CDH4: variants seen among roughly 807,000 people sequenced by gnomAD.
The protein encoded by CDH4 is cadherin-4.
Under a neutral mutation model 86.0 loss-of-function variants are expected in CDH4, and 33 were observed. The ratio of observed to expected loss-of-function variants is 0.38; its 90% CI spans 0.29 to 0.51. CDH4 has a LOEUF of 0.51. Ranked by LOEUF, CDH4 falls within the 20% of genes least tolerant of loss-of-function variation. The pLI is 0.86. For missense variants in CDH4, 1,114 were observed against 1,307.4 expected (o/e 0.85, Z 2.28); for synonymous variants, 555 against 549.4 (o/e 1.01, Z -0.14).
At chr20:61,764,805 C>T (rs541035643) in intron 3 of CDH4, among the ~76,000 whole-genome samples, 6 of 152,308 alleles carry the variant, frequency 3.9e-5, no homozygotes, top group South Asian at 4.1e-4. Context: ...CACGTAGCTC[C>T]GGAGCACAGA....
At chr20:61,530,448 A>G (rs2085943449) in intron 2 of CDH4, among the ~76,000 whole-genome samples, 2 of 152,026 alleles carry the variant, frequency 1.3e-5, no homozygotes, top group African/African-American at 4.8e-5. Context: ...GGCAGAGCAG[A>G]GTCACGCTGA....
chr20:61,719,006 A>C (rs1241015759), intron 2 of CDH4: 1 of 471,150 alleles, frequency 2.1e-6, no homozygotes, highest in Non-Finnish European at 4.4e-6. Context: ...CACACTCAGC[A>C]TCACGAGTGG....
intron 2 of CDH4, among the ~76,000 whole-genome samples, chr20:61,282,546 CAT>C (rs1568780360): frequency 2.6e-4 from 1 of 3,880 alleles, no homozygotes; most frequent in African/African-American, 5.3e-4. Context: ...GGTGTGTGTG[CAT>C]GTGTGTGTGT....
intron 2 of CDH4, among the ~76,000 whole-genome samples, chr20:61,687,812 T>C (rs1250855545): frequency 1.3e-5 from 2 of 152,166 alleles, no homozygotes; most frequent in Non-Finnish European, 2.9e-5. Context: ...ACAATTACAA[T>C]GTGTCTAGGG....
At chr20:61,923,371 C>T (rs1001807636) in intron 9 of CDH4, 80 bp from the exon 10 acceptor site, 5 of 1,456,942 alleles carry the variant, frequency 3.4e-6, no homozygotes, top group South Asian at 1.2e-5. Flanking sequence ...GGGTGGAGAC[C>T]AACCTTCCCA....
chr20:61,478,414 G>GT (rs73625070), intron 2 of CDH4, among the ~76,000 whole-genome samples: 52,497 of 152,102 alleles, frequency 0.35, 11,033 homozygotes, highest in Admixed American at 0.48. Context: ...TGAGCGTGAC[G>GT]TAAGTTTGGA....
At chr20:61,736,376 A>ACCTCATTCCC (rs2088262892) in intron 2 of CDH4, among the ~76,000 whole-genome samples, 3 of 152,112 alleles carry the variant, frequency 2.0e-5, no homozygotes, top group Non-Finnish European at 4.4e-5. Flanking sequence ...CCAGATGTCC[A>ACCTCATTCCC]CGGAAGGGTC....
At chr20:61,272,396 T>G (rs2084188172) in intron 2 of CDH4, among the ~76,000 whole-genome samples, 1 of 152,216 alleles carries the variant, frequency 6.6e-6, no homozygotes, top group African/African-American at 2.4e-5. Flanking sequence ...GGCAGAAAAT[T>G]ACATTATTTC....
Position 61,846,131 on chromosome 20 carries a change from G to T in CDH4, c.732+1308G>T, listed in dbSNP as rs373119587. 3.2e-4 allele frequency among the ~76,000 whole-genome samples: 48 copies of T among 152,368 alleles called. No individual in the cohort carries two copies. In the Middle Eastern group the frequency reaches 0.01, roughly 32 times the overall value. On this transcript the variant is annotated intron_variant, in intron 5 of 15. Coordinates refer to ENST00000614565, the MANE Select transcript of CDH4 (RefSeq NM_001794.5). ...GTCTGAAGCAGGGTCGGAGCTGGAT[G>T]GATCCTGGGGAGCCCACTTGGGAGG... is the stretch of plus-strand genomic sequence containing the variant.
chr20:61,566,174 G>A (rs549692724), intron 2 of CDH4, among the ~76,000 whole-genome samples: 1 of 152,140 alleles, frequency 6.6e-6, no homozygotes, highest in Non-Finnish European at 1.5e-5. Context: ...ATGGTCCCAG[G>A]GCTTCCTGCC....
intron 2 of CDH4, among the ~76,000 whole-genome samples, chr20:61,403,280 C>T (rs1051958432): frequency 1.3e-5 from 2 of 152,230 alleles, no homozygotes; most frequent in South Asian, 2.1e-4. Context: ...AGATTTTGGG[C>T]TTCACTTACA....
At chr20:61,430,676 C>G (rs1369908342) in intron 2 of CDH4, among the ~76,000 whole-genome samples, 1 of 152,168 alleles carries the variant, frequency 6.6e-6, no homozygotes, top group Non-Finnish European at 1.5e-5. Context: ...AGTCGCCAGT[C>G]CTGCTTCCCT....
At chr20:61,745,386 T>G (rs963695978) in intron 3 of CDH4, among the ~76,000 whole-genome samples, 1 of 152,202 alleles carries the variant, frequency 6.6e-6, no homozygotes, top group African/African-American at 2.4e-5. Context: ...GACTTGTTTC[T>G]CAGATGGAAG....
intron 4 of CDH4, among the ~76,000 whole-genome samples, chr20:61,795,472 G>A (rs763199867): frequency 6.6e-6 from 1 of 152,128 alleles, no homozygotes; most frequent in Non-Finnish European, 1.5e-5. Flanking sequence ...ACATCATGGT[G>A]GCGTAAATGA....
intron 2 of CDH4, among the ~76,000 whole-genome samples, chr20:61,595,007 G>A (rs1054356584): frequency 1.6e-4 from 24 of 152,236 alleles, no homozygotes; most frequent in African/African-American, 5.8e-4. Context: ...TGAGGGTGCA[G>A]TGACCGTGGG....
intron 2 of CDH4, among the ~76,000 whole-genome samples, chr20:61,672,998 A>G (rs951207667): frequency 6.6e-6 from 1 of 152,166 alleles, no homozygotes; most frequent in Non-Finnish European, 1.5e-5. Context: ...AGAAAGAAAG[A>G]GACGCAGAGA....
chr20:61,908,452 G>A (rs1003275650), intron 8 of CDH4, among the ~76,000 whole-genome samples: 1 of 152,186 alleles, frequency 6.6e-6, no homozygotes, highest in Non-Finnish European at 1.5e-5. Flanking sequence ...CGGAAGGGGC[G>A]CGGGTGGGTC....
intron 4 of CDH4, among the ~76,000 whole-genome samples, chr20:61,808,061 A>C (rs925782120): frequency 6.6e-6 from 1 of 152,082 alleles, no homozygotes; most frequent in Non-Finnish European, 1.5e-5. Flanking sequence ...GAGACCAGCA[A>C]GTGTGGTCAG....
At chr20:61,750,877 A>G (rs2088484359) in intron 3 of CDH4, among the ~76,000 whole-genome samples, 1 of 152,258 alleles carries the variant, frequency 6.6e-6, no homozygotes, top group Non-Finnish European at 1.5e-5. Flanking sequence ...CCCAATTACA[A>G]TAGCATTAAA....
Sources: gnomAD v4.1 joint callset for allele counts (sites outside exome capture counted in the v4.1 genomes callset) on GRCh38, gnomAD v4.1.1 for gene constraint, MANE v1.5 for transcripts, NCBI Gene and HGNC (gene_info 2026-07-23, HGNC 2026-07-21) for gene names.